The following MAP4K4 variants were observed in gnomAD, a reference collection of about 807,000 sequenced individuals.
The protein encoded by MAP4K4 is mitogen-activated protein kinase kinase kinase kinase 4.
MAP4K4 carries 38 observed loss-of-function variants against 189.6 expected under a neutral mutation model. The observed-to-expected ratio is 0.20, with a 90% CI of 0.15 to 0.26. The LOEUF is 0.26. MAP4K4 is among the 10% of genes least tolerant of loss of function. The pLI, the probability that MAP4K4 is intolerant of heterozygous loss-of-function variation, is 1.00. For missense variants in MAP4K4, 1,054 were observed against 1,726.9 expected (o/e 0.61, Z 6.91); for synonymous variants, 610 against 624.3 (o/e 0.98, Z 0.34).
chr2:101,801,693 G>A (rs1382874634), intron 3 of MAP4K4, among the ~76,000 whole-genome samples: 2 of 152,176 alleles, frequency 1.3e-5, no homozygotes, highest in African/African-American at 4.8e-5. Context: ...CTTGTAAGCT[G>A]CCCTTTTTAG....
chr2:101,772,992 G>T (rs1167143876), intron 2 of MAP4K4, among the ~76,000 whole-genome samples: 1 of 152,164 alleles, frequency 6.6e-6, no homozygotes, highest in Non-Finnish European at 1.5e-5. Context: ...TGGGTTTTCA[G>T]AAAGTGGAGT....
intron 2 of MAP4K4, among the ~76,000 whole-genome samples, chr2:101,760,147 C>A (rs2075563176): frequency 6.6e-6 from 1 of 151,838 alleles, no homozygotes; most frequent in Admixed American, 6.6e-5. Flanking sequence ...TGTCAGCCAG[C>A]TTTTTCTTTT....
At chr2:101,725,984 G>T (rs574378645) in intron 2 of MAP4K4, among the ~76,000 whole-genome samples, 15,130 of 152,174 alleles carry the variant, frequency 0.099, 2,141 homozygotes, top group African/African-American at 0.32. Context: ...GTGTTCTTAT[G>T]AGTCTCCTGC....
At chr2:101,756,126 A>G (rs1054466840) in intron 2 of MAP4K4, among the ~76,000 whole-genome samples, 1 of 151,266 alleles carries the variant, frequency 6.6e-6, no homozygotes, top group African/African-American at 2.4e-5. Flanking sequence ...TTGTATTTTT[A>G]GTAGAGATGG....
intron 20 of MAP4K4, 102 bp downstream of exon 20, chr2:101,867,411 C>T (rs1481056840): frequency 1.2e-6 from 1 of 812,264 alleles, no homozygotes; most frequent in South Asian, 1.7e-5. Context: ...CTGCGAGGGC[C>T]CCTCACAGAT....
At chr2:101,719,021 G>A (rs1025292257) in intron 2 of MAP4K4, among the ~76,000 whole-genome samples, 3 of 152,158 alleles carry the variant, frequency 2.0e-5, no homozygotes, top group African/African-American at 7.2e-5. Flanking sequence ...ATGATTTTGT[G>A]AACAGATTAC....
chr2:101,828,226 A>T (rs1043761928), intron 5 of MAP4K4, among the ~76,000 whole-genome samples: 6 of 152,232 alleles, frequency 3.9e-5, no homozygotes, highest in Non-Finnish European at 8.8e-5. Context: ...TTTGTTGTTA[A>T]GATAGTCCTG....
chr2:101,784,765 A>C (rs13417916), intron 2 of MAP4K4, among the ~76,000 whole-genome samples: 10 of 152,202 alleles, frequency 6.6e-5, no homozygotes, highest in Admixed American at 6.5e-4. Context: ...GTTATAGAAT[A>C]GTATACTTGG....
intron 2 of MAP4K4, among the ~76,000 whole-genome samples, chr2:101,744,122 G>A (rs2064058099): frequency 6.6e-6 from 1 of 151,790 alleles, no homozygotes; most frequent in Non-Finnish European, 1.5e-5. Context: ...AAAACAAAAT[G>A]TCAGGGAAGT....
At chr2:101,856,583 C>G (rs997940956) in intron 13 of MAP4K4, among the ~76,000 whole-genome samples, 8 of 152,004 alleles carry the variant, frequency 5.3e-5, no homozygotes, top group African/African-American at 1.9e-4. Flanking sequence ...TATATATCAG[C>G]ATGTAATTCT....
chr2:101,812,673 G>T (rs1035816992), intron 3 of MAP4K4, among the ~76,000 whole-genome samples: 1 of 152,104 alleles, frequency 6.6e-6, no homozygotes, highest in Non-Finnish European at 1.5e-5. Context: ...TTTTAAAAAT[G>T]TGCATCTTTG....
intron 12 of MAP4K4, among the ~76,000 whole-genome samples, chr2:101,847,335 T>TA (rs2097141456): frequency 6.6e-6 from 1 of 152,218 alleles, no homozygotes; most frequent in South Asian, 2.1e-4. Context: ...TTCTACATAT[T>TA]AAAAACCAAG....
At chr2:101,836,919 AAGAG>A (rs2096773196) in intron 9 of MAP4K4, among the ~76,000 whole-genome samples, 1 of 152,060 alleles carries the variant, frequency 6.6e-6, no homozygotes, top group African/African-American at 2.4e-5. Flanking sequence ...ATCTTGAAGA[AAGAG>A]AGCAGTGTTT....
intron 3 of MAP4K4, among the ~76,000 whole-genome samples, chr2:101,792,597 T>TCCTCCTCCTCCTC (rs2093068247): frequency 3.5e-5 from 5 of 144,836 alleles, no homozygotes; most frequent in African/African-American, 1.1e-4. Flanking sequence ...TTCTCCTCCT[T>TCCTCCTCCTCCTC]CTCCTCCTCC....
chr2:101,741,164 ATTTTTTT>A (rs11341237), intron 2 of MAP4K4, among the ~76,000 whole-genome samples: 1 of 111,398 alleles, frequency 9.0e-6, no homozygotes, highest in Non-Finnish European at 1.8e-5. Flanking sequence ...GGTAGTAGGT[ATTTTTTT>A]TTTTTTTTTT....
intron 2 of MAP4K4, among the ~76,000 whole-genome samples, chr2:101,714,490 A>G (rs369129882): frequency 7.2e-5 from 11 of 152,218 alleles, no homozygotes; most frequent in East Asian, 3.8e-4. Flanking sequence ...ACAGTGAGAA[A>G]TAACATTCTA....
intron 9 of MAP4K4, 46 bp downstream of exon 9, chr2:101,836,024 A>T: frequency 7.0e-7 from 1 of 1,424,438 alleles, no homozygotes; most frequent in Non-Finnish European, 9.9e-7. Context: ...TTTTTTTTAA[A>T]TTGCTTCTTT....
At chr2:101,841,674 G>T (rs778686624) in intron 10 of MAP4K4, among the ~76,000 whole-genome samples, 2 of 151,996 alleles carry the variant, frequency 1.3e-5, no homozygotes, top group Non-Finnish European at 2.9e-5. Flanking sequence ...TCACCATGTT[G>T]GTCAGGCTGG....
chr2:101,817,921 A>T (rs190100049), intron 3 of MAP4K4, among the ~76,000 whole-genome samples: 1 of 151,968 alleles, frequency 6.6e-6, no homozygotes, highest in South Asian at 2.1e-4. Context: ...AGGAACATGT[A>T]ATTTCTTCCT....
Sources: gnomAD v4.1 joint callset for allele counts (sites outside exome capture counted in the v4.1 genomes callset) on GRCh38, gnomAD v4.1.1 for gene constraint, MANE v1.5 for transcripts, NCBI Gene and HGNC (gene_info 2026-07-23, HGNC 2026-07-21) for gene names.